AKAP10: variants seen among roughly 807,000 people sequenced by gnomAD.
The protein encoded by AKAP10 is A-kinase anchoring protein 10.
A neutral mutation model predicts 80.8 loss-of-function variants in AKAP10; 24 were observed. That is an observed-to-expected ratio of 0.30 (90% confidence interval 0.22 to 0.42). The LOEUF is 0.42. Ranked by LOEUF, AKAP10 falls within the 10% of genes least tolerant of loss-of-function variation. AKAP10 has a pLI of 1.00. For missense variants in AKAP10, 661 were observed against 794.9 expected (o/e 0.83, Z 2.03); for synonymous variants, 291 against 277.7 (o/e 1.05, Z -0.48).
At chr17:19,946,246 TATA>T (rs2043117002) in intron 5 of AKAP10, among the ~76,000 whole-genome samples, 1 of 16,044 alleles carries the variant, frequency 6.2e-5, no homozygotes, top group South Asian at 1.7e-3. Context: ...ATTATATATA[TATA>T]TATATATATA....
intron 14 of AKAP10, among the ~76,000 whole-genome samples, chr17:19,906,582 G>A (rs1487802332): frequency 6.6e-6 from 1 of 152,142 alleles, no homozygotes; most frequent in African/African-American, 2.4e-5. Flanking sequence ...TATTCAAGAG[G>A]GATGGTAAAG....
At chr17:19,946,212 TATATATA>T (rs1219913242) in intron 5 of AKAP10, among the ~76,000 whole-genome samples, 1 of 56,054 alleles carries the variant, frequency 1.8e-5, no homozygotes, top group African/African-American at 6.4e-5. Context: ...ATTTTATATA[TATATATA>T]TTTTATATAT....
chr17:19,962,176 AATTTGGTTATTTCCC>A (rs1481962811), intron 3 of AKAP10, among the ~76,000 whole-genome samples: 1 of 152,116 alleles, frequency 6.6e-6, no homozygotes, highest in South Asian at 2.1e-4. Context: ...CGTATACCAC[AATTTGGTTATTTCCC>A]TATAACAGAT....
intron 2 of AKAP10, among the ~76,000 whole-genome samples, chr17:19,965,699 A>T (rs902872996): frequency 6.6e-6 from 1 of 152,238 alleles, no homozygotes; most frequent in African/African-American, 2.4e-5. Context: ...TAAACTTCAG[A>T]AATCATTTGT....
chr17:19,977,409 A>G (rs984052208), intron 1 of AKAP10, among the ~76,000 whole-genome samples, 183 bp downstream of exon 1: 3 of 152,256 alleles, frequency 2.0e-5, no homozygotes, highest in Non-Finnish European at 4.4e-5. Context: ...TCGCGCAAGA[A>G]GGCCACCTTC....
At chr17:19,954,331 G>A (rs2043247904) in intron 4 of AKAP10, among the ~76,000 whole-genome samples, 1 of 152,038 alleles carries the variant, frequency 6.6e-6, no homozygotes, top group Non-Finnish European at 1.5e-5. Context: ...CAATTCAATG[G>A]AGTAAAGGTT....
chr17:19,917,227 A>T (rs947657331), intron 12 of AKAP10, among the ~76,000 whole-genome samples: 15 of 151,158 alleles, frequency 9.9e-5, no homozygotes, highest in Non-Finnish European at 1.0e-4. Context: ...ATCGCGCCAC[A>T]GCACTCCAGC....
chr17:19,941,738 T>G, intron 6 of AKAP10, 88 bp downstream of exon 6: 1 of 901,092 alleles, frequency 1.1e-6, no homozygotes, highest in Non-Finnish European at 1.5e-6. Context: ...TTCTCAAAAA[T>G]ACTTTGTTTT....
chr17:19,930,109 A>G (rs1198263260), intron 10 of AKAP10, among the ~76,000 whole-genome samples: 6 of 152,090 alleles, frequency 3.9e-5, no homozygotes, highest in Non-Finnish European at 7.4e-5. Flanking sequence ...AGAAAAAGAT[A>G]CTCAGGAGAG....
intron 4 of AKAP10, among the ~76,000 whole-genome samples, chr17:19,957,334 G>A (rs2043289135): frequency 6.6e-6 from 1 of 151,946 alleles, no homozygotes; most frequent in African/African-American, 2.4e-5. Flanking sequence ...AAAGTCAGGA[G>A]ATCGAGACCA....
intron 14 of AKAP10, among the ~76,000 whole-genome samples, chr17:19,907,938 A>G (rs1357588689): frequency 6.6e-6 from 1 of 150,738 alleles, no homozygotes; most frequent in African/African-American, 2.4e-5. Flanking sequence ...ATCTCGGCTC[A>G]CTGCAACCTT....
chr17:19,939,820 G>C lies in AKAP10; in HGVS notation c.1215C>G (p.Ile405Met). Residue 405 changes from isoleucine to methionine, a missense_variant, in exon 8 of 15, where the codon ATC becomes ATG. Ile to Met is a conservative substitution (Grantham distance 10, BLOSUM62 1). Transcript: ENST00000225737. ...EYMEKEDAVNILQFWLAADNF... is the reference protein window; with the variant it reads ...EYMEKEDAVNMLQFWLAADNF... ...TATCTGCTGCCAACCAGAATTGTAA[G>C]ATATTCACTGCATCCTCTTTTTCCA... is the stretch of plus-strand genomic sequence containing the variant. 1 of 1,613,834 alleles carries C rather than the reference G, an allele frequency of 6.2e-7. No individual in the cohort carries two copies. The highest frequency in any genetic ancestry group is 1.1e-5 in the South Asian group (1 of 91,060).
At position 19,940,905 on chromosome 17, in the gene AKAP10, G is replaced by C; in HGVS notation, c.1167C>G (p.Ala389=). Residue 389 remains alanine, a synonymous_variant, in exon 7 of 15, where the codon GCC becomes GCG. Transcript: ENST00000225737. ...YLADILFCES[A]LFYFSEYMEK... is the part of the protein sequence containing the mutation. ...ACTTTACCTCAGAGAAATAAAAGAG[G>C]GCTGACTCACAGAAGAGAATGTCAG... 1 of 1,605,392 alleles carries C rather than the reference G, an allele frequency of 6.2e-7. No homozygotes were observed.
At chr17:19,963,638 CA>C (rs1323178460) in intron 2 of AKAP10, among the ~76,000 whole-genome samples, 1 of 152,040 alleles carries the variant, frequency 6.6e-6, no homozygotes, top group African/African-American at 2.4e-5. Flanking sequence ...CTCATGCCTG[CA>C]ATCGCAGTAC....
chr17:19,924,569 T>C, intron 10 of AKAP10, 52 bp from the exon 11 acceptor site: 1 of 1,209,390 alleles, frequency 8.3e-7, no homozygotes, highest in South Asian at 1.7e-5. Flanking sequence ...AGTCCTGGGC[T>C]TGGAATGTGA....
chr17:19,977,075 T>A (rs1361678139), intron 1 of AKAP10, among the ~76,000 whole-genome samples: 1 of 152,232 alleles, frequency 6.6e-6, no homozygotes, highest in Admixed American at 6.5e-5. Flanking sequence ...GTGGTCTTCC[T>A]GTTGGGGAAC....
intron 3 of AKAP10, among the ~76,000 whole-genome samples, chr17:19,960,613 A>G (rs1213317175): frequency 1.3e-5 from 2 of 152,190 alleles, no homozygotes; most frequent in Admixed American, 6.5e-5. Context: ...CAGTTTTTCA[A>G]TATTAAGCTG....
At chr17:19,951,257 C>T (rs796734108) in intron 4 of AKAP10, among the ~76,000 whole-genome samples, 4 of 138,738 alleles carry the variant, frequency 2.9e-5, no homozygotes, top group Non-Finnish European at 3.3e-5. Flanking sequence ...CCCGGCCAGC[C>T]GCCCCATCCG....
At chr17:19,934,944 A>G (rs2042976423) in intron 9 of AKAP10, among the ~76,000 whole-genome samples, 1 of 152,210 alleles carries the variant, frequency 6.6e-6, no homozygotes, top group African/African-American at 2.4e-5. Context: ...CCTGGGAGGC[A>G]GAAGTTGCAG....
Sources: gnomAD v4.1 joint callset for allele counts (sites outside exome capture counted in the v4.1 genomes callset) on GRCh38, gnomAD v4.1.1 for gene constraint, MANE v1.5 for transcripts, NCBI Gene and HGNC (gene_info 2026-07-23, HGNC 2026-07-21) for gene names.